Variants in VARS1 observed in about 807,000 individuals in gnomAD.
VARS1 encodes valine--tRNA ligase.
VARS1 carries 92 observed loss-of-function variants against 161.0 expected under a neutral mutation model. That is an observed-to-expected ratio of 0.57 (90% CI 0.48 to 0.68). The LOEUF (loss-of-function observed/expected upper bound fraction) is 0.68. Among genes scored for constraint, VARS1 ranks in the 30% least tolerant of loss-of-function variants. The probability of loss-of-function intolerance (pLI) is 0.00; values close to 1 mark genes in which losing one functional copy is unlikely to be tolerated. For missense variants in VARS1, 1,338 were observed against 1,695.9 expected (o/e 0.79, Z 3.71); for synonymous variants, 595 against 682.5 (o/e 0.87, Z 2.00).
Position 31,784,386 on chromosome 6 carries a change from G to A in VARS1, c.1576+8C>T. 1.1e-5 allele frequency: 17 copies of A among 1,614,142 alleles called. No homozygotes were observed. The highest frequency in any genetic ancestry group is 1.4e-5 in the Non-Finnish European group (17 of 1,180,032). ...CCAGCCCAGGATCCTGGTGCCCCTGGCTCCTACCTGAGCCTTGGACCTTAT... is the reference window on the plus strand; with the variant it reads ...CCAGCCCAGGATCCTGGTGCCCCTGACTCCTACCTGAGCCTTGGACCTTAT... On this transcript the variant is annotated splice_region_variant and intron_variant, in intron 12 of 29. Coordinates refer to ENST00000375663, the MANE Select transcript of VARS1 (RefSeq NM_006295.3). This position sits in a 1 kb window ranked among gnomAD's most constrained non-coding sequence, Gnocchi z 6.1.
At position 31,785,642 on chromosome 6, in the gene VARS1, G is replaced by A. The variant is rs771582528; in HGVS notation, c.1192C>T (p.Arg398Cys). The A allele has an allele frequency of 9.9e-6, 16 of 1,612,848 alleles. No homozygotes were observed. Among genetic ancestry groups the A allele is most frequent in the South Asian group, 5.5e-5 (5 of 91,090 alleles). The change falls in exon 9 of 30, where the codon CGT becomes TGT. Residue 398 changes from arginine (R) to cysteine (C), a missense_variant. By Grantham distance (180) the Arg-to-Cys change is radical (BLOSUM62 -3). Around this residue, in one of 3 missense-constraint regions of VARS1, gnomAD observed 902 missense variants for 1,090.3 expected, o/e 0.83. Transcript: ENST00000375663. This position sits in a 1 kb window ranked among gnomAD's most constrained non-coding sequence, Gnocchi z 6.1. ...TGGTGCCGGCTCAGTCCCTGCTCACGCCATAGCTTCTTCTCCACCACCACC... is the reference window on the plus strand; with the variant it reads ...TGGTGCCGGCTCAGTCCCTGCTCACACCATAGCTTCTTCTCCACCACCACC... ...TQVVVEKKLW[R>C]EQGLSRHQLG...
Position 31,784,125 on chromosome 6 carries a change from C to A in VARS1, c.1671+89G>T. 1 of 1,462,890 alleles carries A rather than the reference C, an allele frequency of 6.8e-7. No individual in the cohort carries two copies. The highest frequency in any genetic ancestry group is 9.4e-7 in the Non-Finnish European group (1 of 1,058,814). 90.6% of individuals were successfully genotyped at this position (1,462,890 alleles called of 1,614,324 possible). A position where few individuals can be genotyped will look rare whatever the true frequency, so the allele number is the denominator to read the frequency against. The stretch of plus-strand genomic sequence containing the variant: ...TTCTAACCCAGTTTCCTCTCCTCAG[C>A]CAGGGGCCTAAGTCCAACCCCTCCA... On this transcript the variant is annotated intron_variant, in intron 13 of 29. Coordinates refer to ENST00000375663, the MANE Select transcript of VARS1 (RefSeq NM_006295.3). This position sits in a 1 kb window ranked among gnomAD's most constrained non-coding sequence, Gnocchi z 6.1.
At chr6:31,792,020 G>C in intron 6 of VARS1, 49 bp from the exon 7 acceptor site, 1 of 1,510,732 alleles carries the variant, frequency 6.6e-7, no homozygotes, top group African/African-American at 1.4e-5. Context: ...GAGCACTCTG[G>C]GAAGGAGACG....
rs1812903680 is a variant in VARS1 at position 31,778,753 on chromosome 6, C to A, written c.3726+214G>T. 2 of 635,502 alleles carry A rather than the reference C, an allele frequency of 3.1e-6. No homozygotes were observed. The allele number at this position is 635,502 out of a possible 1,614,324, so 39.4% of individuals were successfully genotyped here. Reference sequence around the variant, plus strand: ...AACCCCTGGGCTCAAGTGATCCACCCACCTTGGCCTCCCAAATTTCTGGGA... The same window carrying A: ...AACCCCTGGGCTCAAGTGATCCACCAACCTTGGCCTCCCAAATTTCTGGGA... On this transcript the variant is annotated intron_variant, in intron 29 of 29. Transcript: ENST00000375663. The surrounding 1 kb of genome is among the most constrained non-coding windows in gnomAD (Gnocchi z 5.1).
In VARS1 at chr6:31,782,965, A is replaced by G; in HGVS notation, c.1763-120T>C. 5.9e-6 allele frequency: 9 copies of G among 1,521,524 alleles called. No individual in the cohort carries two copies. The South Asian group carries it at 8.9e-5, about 15-fold the overall frequency. The allele number at this position is 1,521,524 out of a possible 1,614,324, so 94.3% of individuals were successfully genotyped here. On this transcript the variant is annotated intron_variant, in intron 14 of 29. Transcript: ENST00000375663. This position sits in a 1 kb window ranked among gnomAD's most constrained non-coding sequence, Gnocchi z 8.3. ...CTCCTGGCCCCCACTTGTCTAATAC[A>G]GTCCCTTGAGAACCACCCCAAGCTC...
chr6:31,785,632 C>T lies in VARS1; in HGVS notation c.1202G>A (p.Gly401Glu). The change falls in exon 9 of 30, where the codon GGA (glycine) becomes GAA (glutamate). Residue 401 changes from glycine (G) to glutamate (E), a missense_variant. Gly to Glu is a moderately conservative substitution (Grantham distance 98). Transcript: ENST00000375663. The surrounding 1 kb of genome is among the most constrained non-coding windows in gnomAD (Gnocchi z 6.1). ...VVEKKLWREQ[G>E]LSRHQLGREA... ...GCGGCCCAGCTGGTGCCGGCTCAGT[C>T]CCTGCTCACGCCATAGCTTCTTCTC... is the stretch of plus-strand genomic sequence containing the variant. 2 of 1,612,988 alleles carry T rather than the reference C, an allele frequency of 1.2e-6. No homozygotes were observed. The highest frequency in any genetic ancestry group is 1.7e-6 in the Non-Finnish European group (2 of 1,180,012).
Position 31,780,088 on chromosome 6 carries a change from G to A in VARS1, c.2991C>T (p.Leu997=), listed in dbSNP as rs1360680678. The change falls in exon 26 of 30, where the codon CTC becomes CTT. Residue 997 remains leucine (L), a synonymous_variant. Coordinates refer to ENST00000375663, the MANE Select transcript of VARS1 (RefSeq NM_006295.3). The surrounding 1 kb of genome is among the most constrained non-coding windows in gnomAD (Gnocchi z 5.1). ...IRSRLTEAVR[L]SNQGFQAYDF... is the part of the protein sequence containing the mutation. ...CGTAGGCCTGGAAGCCTTGATTGCT[G>A]AGCCTCACAGCCTCTGTCAGGCGGC... The A allele has an allele frequency of 2.5e-6, 4 of 1,614,112 alleles. No homozygotes were observed. The highest frequency in any genetic ancestry group is 3.4e-6 in the Non-Finnish European group (4 of 1,180,036).
At position 31,778,827 on chromosome 6, in the gene VARS1, T is replaced by C; in HGVS notation, c.3726+140A>G. On this transcript the variant is annotated intron_variant, in intron 29 of 29. Coordinates refer to ENST00000375663, the MANE Select transcript of VARS1 (RefSeq NM_006295.3). The surrounding 1 kb of genome is among the most constrained non-coding windows in gnomAD (Gnocchi z 5.1). ...AGGCTGTTTTGTTTTTTAAGGCTAG[T>C]GGGAGTGGAGAAGGAACAAAGAAAT... 1 of 1,178,404 alleles carries C rather than the reference T, an allele frequency of 8.5e-7. No individual in the cohort carries two copies. The highest frequency in any genetic ancestry group is 1.2e-6 in the Non-Finnish European group (1 of 840,808). The allele number at this position is 1,178,404 out of a possible 1,614,324, so 73.0% of individuals were successfully genotyped here. A position where few individuals can be genotyped will look rare whatever the true frequency, so the allele number is the denominator to read the frequency against.
intron 4 of VARS1, 42 bp downstream of exon 4, chr6:31,792,715 C>T: frequency 6.2e-7 from 1 of 1,610,774 alleles, no homozygotes; most frequent in Non-Finnish European, 8.5e-7. Context: ...CATGGAAGGC[C>T]CCAGGGAAGC....
chr6:31,791,863 C>T lies in VARS1; in HGVS notation c.972+8G>A. ...CCACTCTGGGCCTGGGCAGCAGTGC[C>T]TACTCACCCCATACTCTGGCTTGAA... On this transcript the variant is annotated splice_region_variant and intron_variant, in intron 7 of 29. Transcript: ENST00000375663. The surrounding 1 kb of genome is among the most constrained non-coding windows in gnomAD (Gnocchi z 5.0). The T allele has an allele frequency of 6.2e-7, 1 of 1,610,868 alleles. No individual in the cohort carries two copies. The highest frequency in any genetic ancestry group is 1.3e-5 in the African/African-American group (1 of 75,030).
rs1813107140 is a variant in VARS1, at chr6:31,781,011, C to T, written c.2649+8G>A. On this transcript the variant is annotated splice_region_variant and intron_variant, in intron 22 of 29. Transcript: ENST00000375663. The surrounding 1 kb of genome is among the most constrained non-coding windows in gnomAD (Gnocchi z 6.8). ...GGCCCTTCCTGGCTGGCCCAGCACC[C>T]AGCCCACCTGCAGGGAGATTCCATA... The T allele has an allele frequency of 6.2e-7, 1 of 1,613,978 alleles. No individual in the cohort carries two copies. Among genetic ancestry groups the T allele is most frequent in the African/African-American group, 1.3e-5 (1 of 74,944 alleles).
At chr6:31,793,231 G>A in intron 2 of VARS1, 111 bp from the exon 3 acceptor site, 1 of 1,380,534 alleles carries the variant, frequency 7.2e-7, no homozygotes, top group Non-Finnish European at 9.6e-7. Flanking sequence ...CACCACCTCT[G>A]AGTCCCATTT....
rs1255345086 is a variant in VARS1 at position 31,777,674 on chromosome 6, C to A, written c.3727-12G>T. 1.2e-6 allele frequency: 2 copies of A among 1,612,326 alleles called. No individual in the cohort carries two copies. The highest frequency in any genetic ancestry group is 2.2e-5 in the East Asian group (1 of 44,826). ...TCTGTCTGTTGGAGCTGGAGTGGAA[C>A]CAGGGGGTGGGTGAGGACCCAGGTC... is the stretch of plus-strand genomic sequence containing the variant. On this transcript the variant is annotated splice_polypyrimidine_tract_variant and intron_variant, in intron 29 of 29. Coordinates refer to ENST00000375663, the MANE Select transcript of VARS1 (RefSeq NM_006295.3). This position sits in a 1 kb window ranked among gnomAD's most constrained non-coding sequence, Gnocchi z 5.8.
Position 31,779,405 on chromosome 6 carries a change from C to T in VARS1, c.3400+20G>A, listed in dbSNP as rs1391758506. On this transcript the variant is annotated intron_variant, in intron 28 of 29. Transcript: ENST00000375663. The surrounding 1 kb of genome is among the most constrained non-coding windows in gnomAD (Gnocchi z 9.1). ...TGAGGGGACAGTGGGATGGGGCGGA[C>T]ATGGGGGCCTGAGGCTCACAGTCAG... is the stretch of plus-strand genomic sequence containing the variant. 5 of 1,609,368 alleles carry T rather than the reference C, an allele frequency of 3.1e-6. No homozygotes were observed. The African/African-American group carries it at 6.7e-5, about 21-fold the overall frequency.
chr6:31,780,111 G>C lies in VARS1; in HGVS notation c.2968C>G (p.Arg990Gly). 1.2e-6 allele frequency: 2 copies of C among 1,614,048 alleles called. No homozygotes were observed. The highest frequency in any genetic ancestry group is 1.7e-6 in the Non-Finnish European group (2 of 1,180,018). The stretch of plus-strand genomic sequence containing the variant: ...CTGAGCCTCACAGCCTCTGTCAGGC[G>C]GCTGCGGATCCAGCGGTCCACCAGG... The part of the protein sequence containing the change: ...ESLVDRWIRS[R>G]LTEAVRLSNQ... The change falls in exon 26 of 30, where the codon CGC (arginine) becomes GGC (glycine). Residue 990 changes from arginine (R) to glycine (G), a missense_variant. Physicochemically the swap from Arg to Gly is moderately radical, Grantham distance 125. This residue lies in a region of VARS1 where 433 missense variants were observed against 586.2 expected (regional missense o/e 0.74). Transcript: ENST00000375663. This position sits in a 1 kb window ranked among gnomAD's most constrained non-coding sequence, Gnocchi z 5.1.
In VARS1 at chr6:31,782,792, G is replaced by C; in HGVS notation, c.1816C>G (p.Arg606Gly). The C allele has an allele frequency of 6.2e-7, 1 of 1,612,944 alleles. No individual in the cohort carries two copies. The highest frequency in any genetic ancestry group is 1.1e-5 in the South Asian group (1 of 91,062). Residue 606 changes from arginine (R) to glycine (G), a missense_variant, in exon 15 of 30, where the codon CGG (arginine) becomes GGG (glycine). Physicochemically the swap from Arg to Gly is moderately radical, Grantham distance 125. Coordinates refer to ENST00000375663, the MANE Select transcript of VARS1 (RefSeq NM_006295.3). This position sits in a 1 kb window ranked among gnomAD's most constrained non-coding sequence, Gnocchi z 8.3. The part of the protein sequence containing the change: ...HDQNDYEVGQ[R>G]HGLEAISIMD... Reference sequence around the variant, plus strand: ...ATGCTGATGGCCTCCAGCCCGTGCCGCTGCCCAACTTCATAGTCATTTTGG... The same window carrying C: ...ATGCTGATGGCCTCCAGCCCGTGCCCCTGCCCAACTTCATAGTCATTTTGG...
rs1407880093 is a variant in VARS1 at position 31,792,810 on chromosome 6, A to G, written c.608T>C (p.Val203Ala). Residue 203 changes from valine to alanine, a missense_variant, in exon 4 of 30, where the codon GTG becomes GCG. Coordinates refer to ENST00000375663, the MANE Select transcript of VARS1 (RefSeq NM_006295.3). The stretch of plus-strand genomic sequence containing the variant: ...TGAGTATAGAACCACTTCTCCTAGC[A>G]CGGCTCGGAATTCTGGCTGCCGGAC... ...TCVRQPEFRAVLGEVVLYSGA... is the reference protein window; with the variant it reads ...TCVRQPEFRAALGEVVLYSGA... The G allele has an allele frequency of 1.9e-6, 3 of 1,614,150 alleles. No individual in the cohort carries two copies. The highest frequency in any genetic ancestry group is 2.5e-6 in the Non-Finnish European group (3 of 1,180,024).
intron 8 of VARS1, among the ~76,000 whole-genome samples, chr6:31,789,786 C>A (rs978188443): frequency 6.6e-6 from 1 of 151,932 alleles, no homozygotes; most frequent in African/African-American, 2.4e-5. Flanking sequence ...TTTGGGAGTC[C>A]GAGGCGGGCG....
Position 31,792,882 on chromosome 6 carries a change from G to A in VARS1, c.536C>T (p.Pro179Leu). 3.1e-6 allele frequency: 5 copies of A among 1,614,178 alleles called. No individual in the cohort carries two copies. Among genetic ancestry groups the A allele is most frequent in the Non-Finnish European group, 4.2e-6 (5 of 1,180,048 alleles). Residue 179 changes from proline (P) to leucine (L), a missense_variant, in exon 4 of 30, where the codon CCT (proline) becomes CTT (leucine). Physicochemically the swap from Pro to Leu is moderately conservative, Grantham distance 98. This residue lies in a region of VARS1 where 902 missense variants were observed against 1,090.3 expected (regional missense o/e 0.83). Coordinates refer to ENST00000375663, the MANE Select transcript of VARS1 (RefSeq NM_006295.3). ...LLPFRYVLDPPARRIWNNVTR... is the reference protein window; with the variant it reads ...LLPFRYVLDPLARRIWNNVTR... ...CACATTATTCCAGATCCGGCGGGCA[G>A]GTGGGTCTAGGACCTGGAACAGGAA...
Sources: gnomAD v4.1 joint callset for allele counts (sites outside exome capture counted in the v4.1 genomes callset) on GRCh38, gnomAD v4.1.1 for gene constraint, gnomAD v4.1.1 regional missense constraint, Gnocchi (gnomAD v3.1) non-coding constraint, MANE v1.5 for transcripts, NCBI Gene and HGNC (gene_info 2026-07-23, HGNC 2026-07-21) for gene names.